CATSPERE: variants seen among roughly 807,000 people sequenced by gnomAD.
CATSPERE encodes catsper channel auxiliary subunit epsilon, also known as cation channel sperm-associated auxiliary subunit epsilon.
In CATSPERE, 93 loss-of-function variants were observed where a neutral mutation model predicts 114.1. The observed-to-expected ratio is 0.81, with a 90% confidence interval of 0.69 to 0.97. CATSPERE has a LOEUF of 0.97. Among genes scored for constraint, CATSPERE ranks in the 50% least tolerant of loss-of-function variants. The pLI is 0.00. For synonymous variants in CATSPERE, 341 were observed against 384.1 expected (o/e 0.89, Z 1.31); for missense variants, 1,058 against 1,131.6 (o/e 0.93, Z 0.93).
At chr1:244,570,265 A>G (rs565909818) in intron 10 of CATSPERE, among the ~76,000 whole-genome samples, 1 of 152,142 alleles carries the variant, frequency 6.6e-6, no homozygotes, top group South Asian at 2.1e-4. Context: ...TTTCTTATGT[A>G]CCTATAATTA....
At chr1:244,611,876 G>C (rs943881815) in intron 19 of CATSPERE, among the ~76,000 whole-genome samples, 1 of 152,154 alleles carries the variant, frequency 6.6e-6, no homozygotes, top group Non-Finnish European at 1.5e-5. Flanking sequence ...GTATGATATG[G>C]TACAATGGTT....
intron 20 of CATSPERE, among the ~76,000 whole-genome samples, chr1:244,630,375 G>T (rs990751351): frequency 3.9e-5 from 6 of 152,192 alleles, no homozygotes; most frequent in African/African-American, 1.2e-4. Flanking sequence ...ACTCATTCAG[G>T]TTGGAATAGC....
At chr1:244,612,919 G>A (rs1194597424) in intron 19 of CATSPERE, among the ~76,000 whole-genome samples, 1 of 152,210 alleles carries the variant, frequency 6.6e-6, no homozygotes, top group Non-Finnish European at 1.5e-5. Context: ...GGGAGAGGGG[G>A]AAGTTTTAAT....
intron 8 of CATSPERE, among the ~76,000 whole-genome samples, chr1:244,548,791 A>C (rs1265723539): frequency 6.6e-6 from 1 of 152,180 alleles, no homozygotes; most frequent in South Asian, 2.1e-4. Flanking sequence ...AGAAGGCTGT[A>C]TATGCTCTGA....
At chr1:244,556,116 T>C (rs900440385) in intron 9 of CATSPERE, among the ~76,000 whole-genome samples, 1 of 152,180 alleles carries the variant, frequency 6.6e-6, no homozygotes, top group Non-Finnish European at 1.5e-5. Context: ...GAAGGTTGCT[T>C]GAGCCCAGGA....
At chr1:244,538,897 G>C (rs951550938) in intron 8 of CATSPERE, among the ~76,000 whole-genome samples, 2 of 152,070 alleles carry the variant, frequency 1.3e-5, no homozygotes, top group Non-Finnish European at 2.9e-5. Flanking sequence ...TATTAGTAAT[G>C]CCTCTGCATT....
chr1:244,595,917 A>G (rs1001558830), intron 17 of CATSPERE, among the ~76,000 whole-genome samples: 7 of 152,188 alleles, frequency 4.6e-5, no homozygotes, highest in Non-Finnish European at 1.0e-4. Context: ...TGGGCGACAG[A>G]GCGAGACTCC....
intron 8 of CATSPERE, among the ~76,000 whole-genome samples, chr1:244,523,835 A>C (rs1476341524): frequency 1.3e-5 from 2 of 148,894 alleles, no homozygotes; most frequent in Admixed American, 6.6e-5. Flanking sequence ...ATGAAATAAA[A>C]GAGGATACAA....
intron 7 of CATSPERE, among the ~76,000 whole-genome samples, chr1:244,516,761 A>G (rs9943247): frequency 0.12 from 18,637 of 152,032 alleles, 2,055 homozygotes; most frequent in African/African-American, 0.28. Context: ...ACTTCAGGTG[A>G]TCCACCTACG....
intron 20 of CATSPERE, among the ~76,000 whole-genome samples, chr1:244,621,395 A>C (rs1672376085): frequency 6.9e-6 from 1 of 145,280 alleles, no homozygotes; most frequent in Non-Finnish European, 1.5e-5. Flanking sequence ...TTAAGCCTGG[A>C]TTTCATATTA....
chr1:244,526,756 C>G (rs1455252258), intron 8 of CATSPERE, among the ~76,000 whole-genome samples: 2 of 151,652 alleles, frequency 1.3e-5, no homozygotes, highest in African/African-American at 4.8e-5. Context: ...ATCGGGGGAA[C>G]CTGCCCCCGC....
chr1:244,501,772 A>T (rs1409940557), intron 7 of CATSPERE, among the ~76,000 whole-genome samples: 1 of 152,184 alleles, frequency 6.6e-6, no homozygotes, highest in Non-Finnish European at 1.5e-5. Flanking sequence ...AATTTTATTA[A>T]ATCCTTTCTA....
rs1163914579 is a variant in CATSPERE at position 244,631,603 on chromosome 1, C to T, written c.2649-3886C>T. ...GAATATACAAAGAACGCTTACAACT[C>T]GACAATAAGAAAATAACCAGATTTA... On this transcript the variant is annotated intron_variant, in intron 20 of 21. Coordinates refer to ENST00000366534, the MANE Select transcript of CATSPERE (RefSeq NM_001130957.2). Among the ~76,000 whole-genome samples, 5 of 151,994 alleles carry T rather than the reference C, an allele frequency of 3.3e-5. No homozygotes were observed. In the South Asian group the frequency reaches 6.2e-4, roughly 19 times the overall value.
At position 244,474,728 on chromosome 1, in the gene CATSPERE, T is replaced by C. The variant is rs144884738; in HGVS notation, c.115-2813T>C. Among the ~76,000 whole-genome samples the C allele has an allele frequency of 7.6e-3, 1,150 of 150,640 alleles. 19 individuals carry two copies. The highest frequency in any genetic ancestry group is 0.027 in the African/African-American group (1,097 of 40,902). On this transcript the variant is annotated intron_variant, in intron 2 of 21. Coordinates refer to ENST00000366534, the MANE Select transcript of CATSPERE (RefSeq NM_001130957.2). Reference sequence around the variant, plus strand: ...AATCATTTTTTAATCCCTTCTTTTTTTTCTTCTTCTTTTTTTTTTTTTTTT... The same window carrying C: ...AATCATTTTTTAATCCCTTCTTTTTCTTCTTCTTCTTTTTTTTTTTTTTTT...
intron 2 of CATSPERE, among the ~76,000 whole-genome samples, chr1:244,465,566 T>C (rs1487153308): frequency 6.6e-6 from 1 of 152,204 alleles, no homozygotes; most frequent in African/African-American, 2.4e-5. Flanking sequence ...TTGTTCCGTA[T>C]GTAGATGAGT....
intron 8 of CATSPERE, among the ~76,000 whole-genome samples, chr1:244,539,796 A>G (rs1383000986): frequency 1.2e-5 from 1 of 81,732 alleles, no homozygotes. Flanking sequence ...GGTAGTTTGT[A>G]TTTCTGTGGG....
intron 11 of CATSPERE, among the ~76,000 whole-genome samples, chr1:244,576,224 G>A (rs550286073): frequency 5.3e-5 from 8 of 151,778 alleles, no homozygotes; most frequent in Non-Finnish European, 1.2e-4. Context: ...TACTGAGTGG[G>A]TCTCAATTCC....
intron 10 of CATSPERE, among the ~76,000 whole-genome samples, chr1:244,566,652 C>CTTTTTTTTTTTTTTTTTTTTTTTTTTT (rs59466928): frequency 2.0e-5 from 1 of 49,070 alleles, no homozygotes; most frequent in African/African-American, 4.5e-5. Flanking sequence ...GCAACCCCTG[C>CTTTTTTTTTTTTTTTTTTTTTTTTTTT]TTTTTTTTTT....
chr1:244,526,522 A>G (rs1396813922), intron 8 of CATSPERE, among the ~76,000 whole-genome samples: 1 of 152,098 alleles, frequency 6.6e-6, no homozygotes, highest in Non-Finnish European at 1.5e-5. Context: ...GAAAAAAAAT[A>G]TCTGGCTTTT....
Sources: allele counts gnomAD v4.1 joint callset (sites outside exome capture counted in the v4.1 genomes callset), GRCh38; gene constraint gnomAD v4.1.1; transcripts MANE v1.5; gene names NCBI Gene and HGNC (gene_info 2026-07-23, HGNC 2026-07-21).